Variants in MPP4 observed in about 807,000 individuals in gnomAD.
MPP4 encodes the protein MAGUK p55 scaffold protein 4.
Under a neutral mutation model 98.3 loss-of-function variants are expected in MPP4, and 91 were observed. That is an observed-to-expected ratio of 0.93 (90% CI 0.78 to 1.10). The LOEUF is 1.10. Among genes scored for constraint, MPP4 ranks in the 50% least tolerant of loss-of-function variants. The pLI, the probability that MPP4 is intolerant of heterozygous loss-of-function variation, is 0.00. For synonymous variants in MPP4, 261 were observed against 271.8 expected, an observed-to-expected ratio of 0.96 and a Z score of 0.39; for missense variants, 744 against 792.9, an observed-to-expected ratio of 0.94 and a Z score of 0.74.
rs1236418012 is a variant in MPP4 at position 201,666,366 on chromosome 2, T to C, written c.1019A>G (p.Asp340Gly). 2 of 1,553,040 alleles carry C rather than the reference T, an allele frequency of 1.3e-6. No individual in the cohort carries two copies. Among genetic ancestry groups the C allele is most frequent in the Admixed American group, 4.0e-5 (2 of 50,154 alleles). The change falls in exon 13 of 22, where the codon GAC becomes GGC. Residue 340 changes from aspartate (D) to glycine (G), a missense_variant. Transcript: ENST00000409474. ...CACACATTTCTCATCAATCTTCATG[T>C]CATCTTCTATAAAAGAGTATAGAAA... ...TLSISMEEED[D>G]MKIDEKCVEA... is the part of the protein sequence containing the mutation.
intron 3 of MPP4, 125 bp from the exon 4 acceptor site, chr2:201,690,404 G>C: frequency 3.5e-6 from 2 of 569,392 alleles, no homozygotes; most frequent in Non-Finnish European, 6.2e-6. Context: ...GCACGGTGTG[G>C]TTGGTGTTTA....
intron 14 of MPP4, among the ~76,000 whole-genome samples, chr2:201,661,843 G>T (rs555139605): frequency 6.6e-6 from 1 of 152,096 alleles, no homozygotes; most frequent in Admixed American, 6.6e-5. Context: ...CCACAGACCC[G>T]CAAACACTCC....
At chr2:201,682,740 A>G in intron 8 of MPP4, 91 bp downstream of exon 8, 1 of 1,078,916 alleles carries the variant, frequency 9.3e-7, no homozygotes, top group African/African-American at 1.6e-5. Flanking sequence ...AGTCCCCGGT[A>G]CATCCCAGTG....
rs1330266706 is a variant in MPP4, at chr2:201,669,716, T to G, written c.1012+17A>C. ...GACTTTGGAGATAAGAGTTTTTTCC[T>G]AAATACTATTTCTTACCTTCTTCCA... On this transcript the variant is annotated intron_variant, in intron 12 of 21. Coordinates refer to ENST00000409474, the MANE Select transcript of MPP4 (RefSeq NM_033066.3). The G allele has an allele frequency of 2.8e-6, 4 of 1,418,796 alleles. No homozygotes were observed. The highest frequency in any genetic ancestry group is 2.8e-6 in the Non-Finnish European group (3 of 1,073,722). The allele number at this position is 1,418,796 out of a possible 1,614,324, so 87.9% of individuals were successfully genotyped here.
At chr2:201,651,489 G>A (rs1281780058) in intron 18 of MPP4, 1 of 985,246 alleles carries the variant, frequency 1.0e-6, no homozygotes, top group East Asian at 1.1e-4. Flanking sequence ...GTAGGTTAAA[G>A]TCTGTGAATT....
At chr2:201,677,542 A>AC (rs35001769) in intron 10 of MPP4, among the ~76,000 whole-genome samples, 2 of 151,660 alleles carry the variant, frequency 1.3e-5, no homozygotes, top group African/African-American at 2.4e-5. Flanking sequence ...CCAAAACAAA[A>AC]CCCCCCCAGC....
intron 8 of MPP4, 46 bp downstream of exon 8, chr2:201,682,785 T>G (rs1222157042): frequency 6.5e-7 from 1 of 1,549,780 alleles, no homozygotes; most frequent in Non-Finnish European, 8.9e-7. Flanking sequence ...AGTTCAGCCT[T>G]GGCATTTCTC....
intron 14 of MPP4, chr2:201,661,326 G>A: frequency 2.3e-6 from 1 of 443,452 alleles, no homozygotes; most frequent in East Asian, 7.0e-5. Context: ...TCAGACTACA[G>A]ACCGAAACTG....
chr2:201,676,308 T>C (rs950782247), intron 10 of MPP4, among the ~76,000 whole-genome samples: 6 of 152,262 alleles, frequency 3.9e-5, no homozygotes, highest in Non-Finnish European at 8.8e-5. Flanking sequence ...AGCAATGTGG[T>C]GGAGGTTGAA....
intron 1 of MPP4, 48 bp from the exon 2 acceptor site, chr2:201,694,102 C>A: frequency 6.5e-7 from 1 of 1,537,446 alleles, no homozygotes; most frequent in Non-Finnish European, 8.8e-7. Flanking sequence ...AGGCCCTGTG[C>A]TACACACTGG....
At chr2:201,676,086 A>C (rs1688501255) in intron 10 of MPP4, among the ~76,000 whole-genome samples, 1 of 152,200 alleles carries the variant, frequency 6.6e-6, no homozygotes, top group African/African-American at 2.4e-5. Context: ...TTAATCTCTC[A>C]AACTTTGGAA....
At chr2:201,695,876 C>T (rs1356963900) in intron 1 of MPP4, among the ~76,000 whole-genome samples, 1 of 152,150 alleles carries the variant, frequency 6.6e-6, no homozygotes, top group African/African-American at 2.4e-5. Flanking sequence ...GGGTAGGGAC[C>T]AACAACATTG....
Position 201,690,203 on chromosome 2 carries a change from T to G in MPP4, c.278A>C (p.Glu93Ala), listed in dbSNP as rs180978389. 4 of 1,603,434 alleles carry G rather than the reference T, an allele frequency of 2.5e-6. No individual in the cohort carries two copies. In the East Asian group the frequency reaches 8.9e-5, roughly 36 times the overall value. The part of the protein sequence containing the change: ...ATPHAQVLSY[E>A]VVELLRETPT... ...TCCTGTGGAATAAAATCTCCTTACC[T>G]CATAGGATAACACCTGTGCATGTGG... Residue 93 changes from glutamate (E) to alanine (A), a missense_variant and splice_region_variant, in exon 4 of 22, where the codon GAG becomes GCG. Physicochemically the swap from Glu to Ala is moderately radical, Grantham distance 107. Coordinates refer to ENST00000409474, the MANE Select transcript of MPP4 (RefSeq NM_033066.3).
Position 201,694,008 on chromosome 2 carries a change from A to G in MPP4, c.-54T>C. ...TCAGGACTAGGAAGCGGGTCAATAC[A>G]CGGCACACAGCTCACTCAGTCCCAC... On this transcript the variant is annotated 5_prime_UTR_variant, in exon 2 of 22. Coordinates refer to ENST00000409474, the MANE Select transcript of MPP4 (RefSeq NM_033066.3). 1 of 1,613,578 alleles carries G rather than the reference A, an allele frequency of 6.2e-7. No individual in the cohort carries two copies. The highest frequency in any genetic ancestry group is 8.5e-7 in the Non-Finnish European group (1 of 1,179,718).
chr2:201,677,189 C>A (rs1262897980), intron 10 of MPP4, among the ~76,000 whole-genome samples: 3 of 152,150 alleles, frequency 2.0e-5, no homozygotes, highest in Admixed American at 6.5e-5. Context: ...AGCTTCCTCT[C>A]TAGGCTTCAC....
chr2:201,647,719 GTAA>G lies in MPP4; in HGVS notation c.1688_1690del (p.Ile563del). 1 of 1,613,884 alleles carries G rather than the reference GTAA, an allele frequency of 6.2e-7. No individual in the cohort carries two copies. Among genetic ancestry groups the G allele is most frequent in the Non-Finnish European group, 8.5e-7 (1 of 1,179,832 alleles). ...GAACTTCATGTCCACATAGTAGTCA[GTAA>G]TAACCTTGGCATTTTTCCGAGATTG... On this transcript the variant is annotated inframe_deletion, in exon 21 of 22. Coordinates refer to ENST00000409474, the MANE Select transcript of MPP4 (RefSeq NM_033066.3).
chr2:201,650,801 C>T (rs1574597579), intron 18 of MPP4: 4 of 985,278 alleles, frequency 4.1e-6, no homozygotes, highest in East Asian at 1.1e-4. Flanking sequence ...AGTGGTGATT[C>T]GTTTTAGGGA....
chr2:201,691,152 A>G (rs1689008830), intron 3 of MPP4, among the ~76,000 whole-genome samples: 1 of 152,238 alleles, frequency 6.6e-6, no homozygotes, highest in African/African-American at 2.4e-5. Flanking sequence ...GGCAATGCCC[A>G]TCATGAAATT....
intron 21 of MPP4, 96 bp downstream of exon 21, chr2:201,647,595 G>A: frequency 7.4e-7 from 1 of 1,349,490 alleles, no homozygotes; most frequent in Non-Finnish European, 1.0e-6. Context: ...GGAGGAGGAG[G>A]ACAATGAGAT....
Sources: gnomAD v4.1 joint callset for allele counts (sites outside exome capture counted in the v4.1 genomes callset) on GRCh38, gnomAD v4.1.1 for gene constraint, MANE v1.5 for transcripts, NCBI Gene and HGNC (gene_info 2026-07-23, HGNC 2026-07-21) for gene names.